The following MAGI2 variants were observed in gnomAD, a reference collection of about 807,000 sequenced individuals.
The protein encoded by MAGI2 is membrane-associated guanylate kinase, WW and PDZ domain-containing protein 2.
MAGI2 carries 35 observed loss-of-function variants against 133.3 expected under a neutral mutation model. That is an observed-to-expected ratio of 0.26 (90% CI 0.20 to 0.35). The LOEUF (loss-of-function observed/expected upper bound fraction) is 0.35, where lower values mean the gene tolerates loss of function less well. Among genes scored for constraint, MAGI2 ranks in the 10% least tolerant of loss-of-function variants. The pLI is 1.00. For synonymous variants in MAGI2, 729 were observed against 710.6 expected, an observed-to-expected ratio of 1.03 and a Z score of -0.41; for missense variants, 1,636 against 1,863.4, an observed-to-expected ratio of 0.88 and a Z score of 2.25.
intron 21 of MAGI2, among the ~76,000 whole-genome samples, 177 bp from the exon 22 acceptor site, chr7:78,020,153 G>T (rs912832737): frequency 4.0e-5 from 6 of 150,744 alleles, no homozygotes; most frequent in Non-Finnish European, 1.5e-5. Flanking sequence ...CGCCCCCGGG[G>T]ATTTGGGGGT....
chr7:78,749,651 C>T (rs944356661), intron 2 of MAGI2, among the ~76,000 whole-genome samples: 1 of 152,034 alleles, frequency 6.6e-6, no homozygotes, highest in Non-Finnish European at 1.5e-5. Context: ...TGCAGAGGGC[C>T]TCAAATGCCA....
At chr7:79,322,715 G>A (rs28401690) in intron 1 of MAGI2, among the ~76,000 whole-genome samples, 7,076 of 151,462 alleles carry the variant, frequency 0.047, 269 homozygotes, top group African/African-American at 0.1. Context: ...GAACCCGGGA[G>A]GCAGAGGTTG....
intron 3 of MAGI2, among the ~76,000 whole-genome samples, chr7:78,606,931 A>G (rs1488265153): frequency 2.0e-5 from 3 of 152,150 alleles, no homozygotes; most frequent in Non-Finnish European, 4.4e-5. Flanking sequence ...TTTTAAATGT[A>G]TATTCCTTTC....
Position 79,115,854 on chromosome 7 carries a change from G to GTTTTTTTTT in MAGI2, c.302-108657_302-108649dup, listed in dbSNP as rs59398227. On this transcript the variant is annotated intron_variant, in intron 1 of 21. Transcript: ENST00000354212. ...TCTGAATTATTCTAAATGTTTTAAA[G>GTTTTTTTTT]TTTTTTTTTTTTTTTTTTTTTTTTT... Among the ~76,000 whole-genome samples the GTTTTTTTTT allele has an allele frequency of 3.8e-4, 36 of 93,946 alleles. 2 individuals are homozygous for GTTTTTTTTT. The highest frequency in any genetic ancestry group is 1.5e-3 in the African/African-American group (35 of 22,930). The allele number at this position is 93,946 out of a possible 152,430, so 61.6% of individuals were successfully genotyped here. A position where few individuals can be genotyped will look rare whatever the true frequency, so the allele number is the denominator to read the frequency against.
At chr7:79,030,228 G>T (rs1214970912) in intron 1 of MAGI2, 2 of 152,192 alleles carry the variant, frequency 1.3e-5, no homozygotes, top group Non-Finnish European at 2.9e-5. Context: ...CAACAATTTT[G>T]CCAAGATTTC....
chr7:78,071,122 G>A (rs10226293), intron 21 of MAGI2, among the ~76,000 whole-genome samples: 106,794 of 152,090 alleles, frequency 0.7, 37,641 homozygotes, highest in East Asian at 0.88. Flanking sequence ...ATTATAGTCC[G>A]TGATTTTCAA....
At chr7:78,429,260 T>A (rs891399556) in intron 6 of MAGI2, among the ~76,000 whole-genome samples, 3 of 146,628 alleles carry the variant, frequency 2.0e-5, no homozygotes, top group Non-Finnish European at 4.5e-5. Flanking sequence ...TCCCATCCCC[T>A]CCTCATTGTT....
At chr7:78,858,680 T>C (rs913247526) in intron 2 of MAGI2, among the ~76,000 whole-genome samples, 2 of 152,224 alleles carry the variant, frequency 1.3e-5, no homozygotes, top group African/African-American at 4.8e-5. Flanking sequence ...AACTATGTGG[T>C]CAATTTTGGA....
At chr7:78,325,515 A>G (rs1415892484) in intron 9 of MAGI2, among the ~76,000 whole-genome samples, 1 of 152,158 alleles carries the variant, frequency 6.6e-6, no homozygotes, top group Non-Finnish European at 1.5e-5. Flanking sequence ...AAGCAAACAT[A>G]CTTGACTCGT....
chr7:78,639,025 CTG>C (rs1199574806), intron 2 of MAGI2, among the ~76,000 whole-genome samples: 2 of 152,154 alleles, frequency 1.3e-5, no homozygotes, highest in African/African-American at 4.8e-5. Context: ...CAGAACTAGA[CTG>C]TGTGGATACC....
At chr7:79,000,100 G>A (rs529959314) in intron 2 of MAGI2, 1 of 152,300 alleles carries the variant, frequency 6.6e-6, no homozygotes, top group East Asian at 1.9e-4. Context: ...TTAAAATTCA[G>A]TTGGATATAT....
At chr7:78,163,322 G>T (rs1825279655) in intron 15 of MAGI2, among the ~76,000 whole-genome samples, 1 of 152,090 alleles carries the variant, frequency 6.6e-6, no homozygotes. Context: ...TGTACTTTTA[G>T]TAGAGACAGG....
chr7:78,947,809 ATTTGT>A (rs1046286413), intron 2 of MAGI2, among the ~76,000 whole-genome samples: 10 of 152,020 alleles, frequency 6.6e-5, no homozygotes, highest in Non-Finnish European at 1.5e-4. Context: ...TAATGGTAAC[ATTTGT>A]TTGTTTGTTA....
At chr7:79,364,167 A>G (rs1326451440) in intron 1 of MAGI2, among the ~76,000 whole-genome samples, 4 of 152,076 alleles carry the variant, frequency 2.6e-5, no homozygotes, top group African/African-American at 9.6e-5. Context: ...CCATTATAAA[A>G]AACAGTACAG....
At chr7:78,586,058 C>T (rs1221233372) in intron 3 of MAGI2, among the ~76,000 whole-genome samples, 1 of 152,166 alleles carries the variant, frequency 6.6e-6, no homozygotes, top group Non-Finnish European at 1.5e-5. Flanking sequence ...TAAATGATGA[C>T]CGAGTGCACC....
intron 2 of MAGI2, among the ~76,000 whole-genome samples, chr7:78,627,774 G>C (rs946667630): frequency 4.6e-5 from 7 of 152,082 alleles, no homozygotes; most frequent in African/African-American, 1.7e-4. Flanking sequence ...TGATTTAAAG[G>C]ATCGCAAAAC....
chr7:79,235,366 G>T (rs1406180205), intron 1 of MAGI2, among the ~76,000 whole-genome samples: 5 of 152,078 alleles, frequency 3.3e-5, no homozygotes, highest in African/African-American at 7.2e-5. Context: ...AGCAAGCCTG[G>T]GCAATGGCGG....
In MAGI2 at chr7:78,559,261, T is replaced by C. The variant is rs181216668; in HGVS notation, c.539-37616A>G. Among the ~76,000 whole-genome samples the C allele has an allele frequency of 6.7e-5, 10 of 148,546 alleles. No homozygotes were observed. The East Asian group carries it at 7.9e-4, about 12-fold the overall frequency. ...AGGTTTTTTTTTTTTTTTCCAGTTG[T>C]AAAGATTTATAGGTGTATTTTGGAC... On this transcript the variant is annotated intron_variant, in intron 3 of 21. Coordinates refer to ENST00000354212, the MANE Select transcript of MAGI2 (RefSeq NM_012301.4).
intron 10 of MAGI2, among the ~76,000 whole-genome samples, chr7:78,246,071 T>A (rs1057475373): frequency 2.0e-5 from 3 of 152,000 alleles, no homozygotes; most frequent in Middle Eastern, 6.3e-3. Flanking sequence ...TATCTACCCC[T>A]CCCAGTGGTT....
Sources: gnomAD v4.1 joint callset for allele counts (sites outside exome capture counted in the v4.1 genomes callset) on GRCh38, gnomAD v4.1.1 for gene constraint, MANE v1.5 for transcripts, NCBI Gene and HGNC (gene_info 2026-07-23, HGNC 2026-07-21) for gene names.